RASA3: variants seen among roughly 807,000 people sequenced by gnomAD.
RASA3 encodes ras GTPase-activating protein 3.
A neutral mutation model predicts 110.0 loss-of-function variants in RASA3; 73 were observed. The observed-to-expected ratio is 0.66, with a 90% CI of 0.55 to 0.81. RASA3 has a LOEUF of 0.81. RASA3 is among the 30% of genes least tolerant of loss of function. The pLI, the probability that RASA3 is intolerant of heterozygous loss-of-function variation, is 0.00. For missense variants in RASA3, 976 were observed against 1,113.2 expected (o/e 0.88, Z 1.75); for synonymous variants, 500 against 451.4 (o/e 1.11, Z -1.37).
intron 4 of RASA3, among the ~76,000 whole-genome samples, chr13:114,030,259 G>A (rs1414264472): frequency 6.6e-6 from 1 of 152,246 alleles, no homozygotes; most frequent in East Asian, 1.9e-4. Context: ...AAACCAGAGG[G>A]GAAGCACAGC....
chr13:114,056,553 C>T lies in RASA3; in HGVS notation c.174-4398G>A. 1 of 984,962 alleles carries T rather than the reference C, an allele frequency of 1.0e-6. No individual in the cohort carries two copies. Among genetic ancestry groups the T allele is most frequent in the South Asian group, 4.7e-5 (1 of 21,252 alleles). 61.0% of individuals were successfully genotyped at this position (984,962 alleles called of 1,614,324 possible). A position where few individuals can be genotyped will look rare whatever the true frequency, so the allele number is the denominator to read the frequency against. On this transcript the variant is annotated intron_variant, in intron 2 of 23. Coordinates refer to ENST00000334062, the MANE Select transcript of RASA3 (RefSeq NM_007368.4). This position sits in a 1 kb window ranked among gnomAD's most constrained non-coding sequence, Gnocchi z 5.7. The stretch of plus-strand genomic sequence containing the variant: ...TCTGCCAAAGGCTCTGCACAAGTGG[C>T]TCCTCTCTCTGTAACTCTGCTTGGC...
rs12018273 is a variant in RASA3, at chr13:114,108,262, C to T, written c.55+24173G>A. Among the ~76,000 whole-genome samples the T allele has an allele frequency of 1.6e-3, 50 of 31,864 alleles. No homozygotes were observed. The South Asian group carries it at 0.033, about 21-fold the overall frequency. The allele number at this position is 31,864 out of a possible 152,430, so 20.9% of individuals were successfully genotyped here. A position where few individuals can be genotyped will look rare whatever the true frequency, so the allele number is the denominator to read the frequency against. On this transcript the variant is annotated intron_variant, in intron 1 of 23. Coordinates refer to ENST00000334062, the MANE Select transcript of RASA3 (RefSeq NM_007368.4). ...CACCCCATGTCTGTCACCCTGCATC[C>T]GTCACCCCGTGTCTGTCATCCCCGT... is the stretch of plus-strand genomic sequence containing the variant.
intron 7 of RASA3, among the ~76,000 whole-genome samples, chr13:114,025,991 C>T (rs9562203): frequency 0.7 from 106,540 of 151,994 alleles, 38,071 homozygotes; most frequent in African/African-American, 0.85. Flanking sequence ...CAGGGCCCCG[C>T]GCGTCCCACA....
chr13:114,093,096 T>G (rs1022332268), intron 1 of RASA3, among the ~76,000 whole-genome samples: 3 of 152,244 alleles, frequency 2.0e-5, no homozygotes, highest in African/African-American at 7.2e-5. Flanking sequence ...CTAATTGTTG[T>G]GGTTATTATT....
At chr13:114,007,645 C>T (rs747576448) in intron 17 of RASA3, 39 bp from the exon 18 acceptor site, 2 of 1,529,228 alleles carry the variant, frequency 1.3e-6, no homozygotes, top group Non-Finnish European at 9.1e-7. Flanking sequence ...GAGGAAGCCA[C>T]ACATCTGACG....
At chr13:114,087,702 C>T (rs918912329) in intron 1 of RASA3, among the ~76,000 whole-genome samples, 5 of 152,228 alleles carry the variant, frequency 3.3e-5, no homozygotes, top group Non-Finnish European at 5.9e-5. Context: ...GCCAGCAGGG[C>T]GCCCGCCCGA....
intron 3 of RASA3, among the ~76,000 whole-genome samples, chr13:114,042,988 G>A (rs1212388153): frequency 6.6e-6 from 1 of 152,198 alleles, no homozygotes; most frequent in African/African-American, 2.4e-5. Flanking sequence ...TCCCCACCCT[G>A]CGAGGTCCCA....
At chr13:114,126,924 A>G (rs1336589132) in intron 1 of RASA3, among the ~76,000 whole-genome samples, 7 of 151,902 alleles carry the variant, frequency 4.6e-5, no homozygotes, top group Non-Finnish European at 1.0e-4. Flanking sequence ...TGGGTTCGCT[A>G]CGTCCACGTC....
chr13:114,029,362 C>T lies in RASA3; in HGVS notation c.449+449G>A, dbSNP rs373059762. Reference sequence around the variant, plus strand: ...CATCCTGGGGCCAGGACCTCTAAAACGGCATCATCCTGGGGCCAGGACCTC... The same window carrying T: ...CATCCTGGGGCCAGGACCTCTAAAATGGCATCATCCTGGGGCCAGGACCTC... On this transcript the variant is annotated intron_variant, in intron 5 of 23. Transcript: ENST00000334062. Among the ~76,000 whole-genome samples, 191 of 20,788 alleles carry T rather than the reference C, an allele frequency of 9.2e-3. 41 individuals are homozygous for T. Among genetic ancestry groups the T allele is most frequent in the Admixed American group, 0.074 (142 of 1,924 alleles). The allele number at this position is 20,788 out of a possible 152,430, so 13.6% of individuals were successfully genotyped here.
At chr13:113,991,476 C>G (rs1594281199) in intron 22 of RASA3, among the ~76,000 whole-genome samples, 1 of 152,352 alleles carries the variant, frequency 6.6e-6, no homozygotes, top group East Asian at 1.9e-4. Flanking sequence ...TCTCCAAGAG[C>G]AGATCCGAGT....
At position 114,065,076 on chromosome 13, in the gene RASA3, G is replaced by A. The variant is rs1410141016; in HGVS notation, c.173+8644C>T. Among the ~76,000 whole-genome samples, 1 of 152,250 alleles carries A rather than the reference G, an allele frequency of 6.6e-6. No individual in the cohort carries two copies. The highest frequency in any genetic ancestry group is 1.5e-5 in the Non-Finnish European group (1 of 68,042). On this transcript the variant is annotated intron_variant, in intron 2 of 23. Transcript: ENST00000334062. The surrounding 1 kb of genome is among the most constrained non-coding windows in gnomAD (Gnocchi z 4.1). ...GGGAAAAAAGAAAAAACCTCTTGCA[G>A]AAAACAGAGTTGACCTTTAAGTAGT...
At chr13:114,122,820 G>A (rs2080396690) in intron 1 of RASA3, among the ~76,000 whole-genome samples, 1 of 136,642 alleles carries the variant, frequency 7.3e-6, no homozygotes, top group South Asian at 2.4e-4. Flanking sequence ...CCAGGCCTGT[G>A]CATCTCACTG....
chr13:114,040,954 T>A, intron 4 of RASA3, 46 bp downstream of exon 4: 2 of 1,582,878 alleles, frequency 1.3e-6, no homozygotes, highest in Non-Finnish European at 1.7e-6. Flanking sequence ...CGAAGCCCCA[T>A]GGTGTCCCAG....
At chr13:114,041,168 C>A in intron 3 of RASA3, 74 bp from the exon 4 acceptor site, 2 of 1,208,872 alleles carry the variant, frequency 1.7e-6, no homozygotes, top group Non-Finnish European at 2.5e-6. Context: ...CAGAAGCCAG[C>A]CCATCATCAC....
chr13:114,080,337 G>A (rs2079763415), intron 1 of RASA3, among the ~76,000 whole-genome samples: 1 of 152,314 alleles, frequency 6.6e-6, no homozygotes, highest in African/African-American at 2.4e-5. Flanking sequence ...GGAAGGAGGA[G>A]AGGGCTGTGC....
intron 4 of RASA3, among the ~76,000 whole-genome samples, chr13:114,030,390 AG>A (rs1247051748): frequency 0.053 from 2,920 of 55,344 alleles, 57 homozygotes; most frequent in Middle Eastern, 0.14. Context: ...AGACTCACAC[AG>A]GAGGCAAGAC....
intron 1 of RASA3, among the ~76,000 whole-genome samples, chr13:114,074,606 C>T (rs187207663): frequency 7.2e-5 from 11 of 152,228 alleles, no homozygotes; most frequent in Admixed American, 3.9e-4. Flanking sequence ...TTCTTGTGGA[C>T]GTGAGTTAAC....
intron 22 of RASA3, among the ~76,000 whole-genome samples, chr13:113,982,137 C>G (rs1461504972): frequency 6.6e-6 from 1 of 152,238 alleles, no homozygotes; most frequent in African/African-American, 2.4e-5. Context: ...TAGCTCCCAG[C>G]CTTGTCACCA....
At chr13:114,022,819 G>C (rs2053953910) in intron 8 of RASA3, among the ~76,000 whole-genome samples, 3 of 152,206 alleles carry the variant, frequency 2.0e-5, no homozygotes, top group Non-Finnish European at 4.4e-5. Flanking sequence ...TTCAAAACTT[G>C]GTGTAAAAAG....
Sources: gnomAD v4.1 joint callset for allele counts (sites outside exome capture counted in the v4.1 genomes callset) on GRCh38, gnomAD v4.1.1 for gene constraint, Gnocchi (gnomAD v3.1) non-coding constraint, MANE v1.5 for transcripts, NCBI Gene and HGNC (gene_info 2026-07-23, HGNC 2026-07-21) for gene names.